The following HHIP variants were observed in gnomAD, a reference collection of about 807,000 sequenced individuals.
The protein encoded by HHIP is hedgehog interacting protein.
Under a neutral mutation model 74.0 loss-of-function variants are expected in HHIP, and 12 were observed. The ratio of observed to expected loss-of-function variants is 0.16; its 90% CI spans 0.10 to 0.26. HHIP has a LOEUF of 0.26. HHIP is among the 10% of genes least tolerant of loss of function. The probability of loss-of-function intolerance (pLI) is 1.00; values close to 1 mark genes in which losing one functional copy is unlikely to be tolerated. For synonymous variants in HHIP, 309 were observed against 311.6 expected, an observed-to-expected ratio of 0.99 and a Z score of 0.09; for missense variants, 788 against 845.0, an observed-to-expected ratio of 0.93 and a Z score of 0.84.
At chr4:144,701,441 G>A (rs968298789) in intron 4 of HHIP, among the ~76,000 whole-genome samples, 3 of 146,438 alleles carry the variant, frequency 2.0e-5, no homozygotes, top group Non-Finnish European at 4.5e-5. Context: ...CTTGTTTTTT[G>A]ACCATGCACA....
Position 144,719,050 on chromosome 4 carries a change from A to G in HHIP, c.1760+94A>G, listed in dbSNP as rs1730552272. The G allele has an allele frequency of 2.9e-5, 23 of 789,506 alleles. No individual in the cohort carries two copies. The Admixed American group carries it at 4.3e-4, about 15-fold the overall frequency. 48.9% of individuals were successfully genotyped at this position (789,506 alleles called of 1,614,324 possible). A position where few individuals can be genotyped will look rare whatever the true frequency, so the allele number is the denominator to read the frequency against. On this transcript the variant is annotated intron_variant, in intron 11 of 12. Transcript: ENST00000296575. ...AATGATAGGAATGTCACAATTAGCA[A>G]TCAGCCAAGATGTACACTTTTACCA...
chr4:144,658,556 A>T (rs1728612896), intron 2 of HHIP, among the ~76,000 whole-genome samples: 1 of 151,568 alleles, frequency 6.6e-6, no homozygotes, highest in Admixed American at 6.6e-5. Context: ...TTTAGTAGAG[A>T]CGGGGTTTCG....
rs561246283 is a variant in HHIP at position 144,729,378 on chromosome 4, G to C, written c.1761-5363G>C. On this transcript the variant is annotated intron_variant, in intron 11 of 12. Coordinates refer to ENST00000296575, the MANE Select transcript of HHIP (RefSeq NM_022475.3). ...TTGTTCAGGGCAAGGACTCCACCCA[G>C]TTGGAAGATTTCAGAGCATTCTGTA... Among the ~76,000 whole-genome samples the C allele has an allele frequency of 3.3e-5, 5 of 152,242 alleles. No individual in the cohort carries two copies. In the South Asian group the frequency reaches 1.0e-3, roughly 32 times the overall value.
At chr4:144,729,180 TTTA>T (rs1730883932) in intron 11 of HHIP, among the ~76,000 whole-genome samples, 1 of 152,124 alleles carries the variant, frequency 6.6e-6, no homozygotes. Context: ...ACAGTAAAAA[TTTA>T]TCCCATCATA....
rs531251802 is a variant in HHIP, at chr4:144,674,414, T to C, written c.831+14576T>C. Reference sequence around the variant, plus strand: ...AGGAAATAGCTTTTCTTGCCATTTATTTTTTAAGTCAACTTCCTTGGCTGG... The same window carrying C: ...AGGAAATAGCTTTTCTTGCCATTTACTTTTTAAGTCAACTTCCTTGGCTGG... On this transcript the variant is annotated intron_variant, in intron 4 of 12. Transcript: ENST00000296575. 4.5e-4 allele frequency among the ~76,000 whole-genome samples: 69 copies of C among 152,318 alleles called. 2 individuals carry two copies. The South Asian group carries it at 0.014, about 31-fold the overall frequency.
At position 144,738,771 on chromosome 4, in the gene HHIP, A is replaced by G. The variant is rs1731192065; in HGVS notation, c.*814A>G. The G allele has an allele frequency of 1.9e-5, 15 of 777,572 alleles. No homozygotes were observed. The highest frequency in any genetic ancestry group is 2.3e-5 in the Non-Finnish European group (15 of 640,280). 48.2% of individuals were successfully genotyped at this position (777,572 alleles called of 1,614,324 possible). ...CTGTCCTGTAAAACACTAAAGTTACATTTTTCACCAACTTAATTGGAAAGA... is the reference window on the plus strand; with the variant it reads ...CTGTCCTGTAAAACACTAAAGTTACGTTTTTCACCAACTTAATTGGAAAGA... On this transcript the variant is annotated 3_prime_UTR_variant, in exon 13 of 13. Transcript: ENST00000296575.
At chr4:144,667,317 C>G (rs1374545338) in intron 4 of HHIP, among the ~76,000 whole-genome samples, 3 of 152,076 alleles carry the variant, frequency 2.0e-5, no homozygotes, top group Non-Finnish European at 2.9e-5. Context: ...CCACCACACT[C>G]CAGCCTCAGT....
At chr4:144,685,414 G>A (rs573937770) in intron 4 of HHIP, among the ~76,000 whole-genome samples, 2 of 152,312 alleles carry the variant, frequency 1.3e-5, no homozygotes, top group African/African-American at 4.8e-5. Context: ...ACTATACTAT[G>A]TGTGATATTA....
chr4:144,707,609 C>T (rs1221513763), intron 6 of HHIP, among the ~76,000 whole-genome samples: 1 of 89,632 alleles, frequency 1.1e-5, no homozygotes, highest in Non-Finnish European at 2.0e-5. Context: ...ATATAGAATA[C>T]ATAGGTTTAG....
At position 144,714,307 on chromosome 4, in the gene HHIP, A is replaced by G; in HGVS notation, c.1506A>G (p.Ser502=). 6.2e-7 allele frequency: 1 copy of G among 1,613,430 alleles called. No individual in the cohort carries two copies. Among genetic ancestry groups the G allele is most frequent in the Non-Finnish European group, 8.5e-7 (1 of 1,179,562 alleles). The part of the protein sequence containing the change: ...VGGFVYRGCQ[S]ERLYGSYVFG... ...GATTTGTATACCGGGGCTGCCAGTC[A>G]GAAAGATTGTATGGAAGCTACGTGT... The change falls in exon 9 of 13, where the codon TCA becomes TCG. Residue 502 remains serine (S), a synonymous_variant. Coordinates refer to ENST00000296575, the MANE Select transcript of HHIP (RefSeq NM_022475.3).
intron 11 of HHIP, among the ~76,000 whole-genome samples, chr4:144,731,547 G>T (rs112985343): frequency 1.3e-5 from 2 of 152,138 alleles, no homozygotes; most frequent in Admixed American, 6.5e-5. Context: ...AGCCTCCTGA[G>T]TAGCTGGGAT....
In HHIP at chr4:144,668,195, T is replaced by G. The variant is rs146262290; in HGVS notation, c.831+8357T>G. Among the ~76,000 whole-genome samples, 1,335 of 151,966 alleles carry G rather than the reference T, an allele frequency of 8.8e-3. 28 individuals carry two copies. The highest frequency in any genetic ancestry group is 0.03 in the African/African-American group (1,261 of 41,398). ...AGCCGGGTATGGTGGCAGATGCCTA[T>G]AATCCCAGCTACTTGGGAAGCTGAG... On this transcript the variant is annotated intron_variant, in intron 4 of 12. Coordinates refer to ENST00000296575, the MANE Select transcript of HHIP (RefSeq NM_022475.3).
chr4:144,696,048 G>A (rs1729809170), intron 4 of HHIP, among the ~76,000 whole-genome samples: 1 of 149,766 alleles, frequency 6.7e-6, no homozygotes, highest in African/African-American at 2.5e-5. Flanking sequence ...AGCTTCTTAT[G>A]TTATAGAACA....
chr4:144,665,817 T>A (rs1167859325), intron 4 of HHIP, among the ~76,000 whole-genome samples: 2 of 152,208 alleles, frequency 1.3e-5, no homozygotes, highest in African/African-American at 2.4e-5. Flanking sequence ...TTTCTCCAGT[T>A]GAGTAGAGAA....
intron 4 of HHIP, among the ~76,000 whole-genome samples, chr4:144,667,237 C>A (rs961126116): frequency 3.3e-5 from 5 of 152,062 alleles, no homozygotes; most frequent in African/African-American, 1.2e-4. Context: ...ATAGTCTCAG[C>A]TACTCAAGAG....
chr4:144,677,999 T>G (rs1220715968), intron 4 of HHIP, among the ~76,000 whole-genome samples: 1 of 152,194 alleles, frequency 6.6e-6, no homozygotes, highest in Non-Finnish European at 1.5e-5. Context: ...TCAAAAAGAC[T>G]GACTTAGTAA....
intron 4 of HHIP, among the ~76,000 whole-genome samples, chr4:144,685,079 T>C (rs1729452329): frequency 6.6e-6 from 1 of 152,228 alleles, no homozygotes; most frequent in Non-Finnish European, 1.5e-5. Context: ...TCCCCGTCCA[T>C]GTGGGCCATA....
intron 11 of HHIP, among the ~76,000 whole-genome samples, chr4:144,732,873 A>G (rs1478345207): frequency 3.9e-5 from 6 of 152,236 alleles, no homozygotes; most frequent in Non-Finnish European, 7.3e-5. Flanking sequence ...AGTAAGGAAT[A>G]GAAATTAGAT....
chr4:144,718,291 G>A (rs1185804763), intron 10 of HHIP, among the ~76,000 whole-genome samples: 1 of 152,132 alleles, frequency 6.6e-6, no homozygotes, highest in Non-Finnish European at 1.5e-5. Flanking sequence ...CAGGAAGATG[G>A]AGCCTGTAAT....
Sources: gnomAD v4.1 joint callset for allele counts (sites outside exome capture counted in the v4.1 genomes callset) on GRCh38, gnomAD v4.1.1 for gene constraint, MANE v1.5 for transcripts, NCBI Gene and HGNC (gene_info 2026-07-23, HGNC 2026-07-21) for gene names.